CYB561: variants seen among roughly 807,000 people sequenced by gnomAD.
CYB561 encodes cytochrome b561.
CYB561 carries 11 observed loss-of-function variants against 25.3 expected under a neutral mutation model. That is an observed-to-expected ratio of 0.44 (90% CI 0.27 to 0.72). CYB561 has a LOEUF of 0.72. Ranked by LOEUF, CYB561 falls within the 30% of genes least tolerant of loss-of-function variation. The pLI, the probability that CYB561 is intolerant of heterozygous loss-of-function variation, is 0.18. For synonymous variants in CYB561, 165 were observed against 158.8 expected (o/e 1.04, Z -0.29); for missense variants, 295 against 334.9 (o/e 0.88, Z 0.93).
At position 63,435,736 on chromosome 17, in the gene CYB561, G is replaced by A; in HGVS notation, c.357C>T (p.Ser119=). ...HRKKGYADLY[S]LHSWCGILVF... is the part of the protein sequence containing the mutation. ...CAAGGATCCCGCACCAGCTGTGTAG[G>A]CTGTACAGGTCAGCGTAGCCCTTCT... The change falls in exon 4 of 6, where the codon AGC becomes AGT. Residue 119 remains serine (S), a synonymous_variant. Transcript: ENST00000360793. 6.2e-7 allele frequency: 1 copy of A among 1,614,214 alleles called. No individual in the cohort carries two copies. The highest frequency in any genetic ancestry group is 1.1e-5 in the South Asian group (1 of 91,088).
Position 63,436,145 on chromosome 17 carries a change from C to T in CYB561, c.210G>A (p.Leu70=). ...CTTCGTTCCTGAAGACACGGTAAAC[C>T]AGCAGGGCTGTGGGAGGTGAGAGAG... ...GLIFLQGNAL[L]VYRVFRNEAK... is the part of the protein sequence containing the mutation. The change falls in exon 3 of 6, where the codon CTG becomes CTA. Residue 70 remains leucine (L), a synonymous_variant. Coordinates refer to ENST00000360793, the MANE Select transcript of CYB561 (RefSeq NM_001915.4). This position sits in a 1 kb window ranked among gnomAD's most constrained non-coding sequence, Gnocchi z 4.8. The T allele has an allele frequency of 6.2e-7, 1 of 1,613,890 alleles. No homozygotes were observed. Among genetic ancestry groups the T allele is most frequent in the South Asian group, 1.1e-5 (1 of 91,050 alleles).
chr17:63,437,315 C>T (rs752232209), intron 2 of CYB561, 31 bp downstream of exon 2: 8 of 1,582,458 alleles, frequency 5.1e-6, no homozygotes, highest in African/African-American at 4.0e-5. Flanking sequence ...CCCACAAGCC[C>T]GGGAAAAGAG....
chr17:63,437,612 GCACAGCCCCCGCGGATGCA>G (rs2049319655), intron 1 of CYB561, 52 bp from the exon 2 acceptor site: 10 of 1,468,844 alleles, frequency 6.8e-6, no homozygotes, highest in South Asian at 1.2e-5. Flanking sequence ...CCCGAGATGC[GCACAGCCCCCGCGGATGCA>G]CACAGCCCCC....
At chr17:63,443,522 A>G (rs533861536) in intron 1 of CYB561, among the ~76,000 whole-genome samples, 2 of 152,252 alleles carry the variant, frequency 1.3e-5, no homozygotes, top group Non-Finnish European at 2.9e-5. Context: ...GAGGGCTCCC[A>G]ATGCTTACAA....
chr17:63,437,746 A>C, intron 1 of CYB561, 186 bp from the exon 2 acceptor site: 15 of 330,562 alleles, frequency 4.5e-5, no homozygotes, highest in East Asian at 1.3e-4. Flanking sequence ...CCCCCCCGAA[A>C]TGCGCACAGC....
At position 63,433,603 on chromosome 17, in the gene CYB561, C is replaced by G; in HGVS notation, c.*799G>C. 1 of 385,382 alleles carries G rather than the reference C, an allele frequency of 2.6e-6. No homozygotes were observed. The allele number at this position is 385,382 out of a possible 1,614,324, so 23.9% of individuals were successfully genotyped here. A position where few individuals can be genotyped will look rare whatever the true frequency, so the allele number is the denominator to read the frequency against. On this transcript the variant is annotated 3_prime_UTR_variant, in exon 6 of 6. Coordinates refer to ENST00000360793, the MANE Select transcript of CYB561 (RefSeq NM_001915.4). ...GTGAGCCTGGGAGAGGAAACCAGAG[C>G]TGAGCCGCAAGGGGGGTGCTACAAG...
At chr17:63,443,473 C>T (rs1462536054) in intron 1 of CYB561, among the ~76,000 whole-genome samples, 1 of 152,152 alleles carries the variant, frequency 6.6e-6, no homozygotes, top group Non-Finnish European at 1.5e-5. Context: ...AGCAGCAGAG[C>T]CTGAAGTCAA....
At position 63,435,323 on chromosome 17, in the gene CYB561, G is replaced by C. The variant is rs920607120; in HGVS notation, c.406-80C>G. 7.4e-6 allele frequency: 11 copies of C among 1,491,912 alleles called. No homozygotes were observed. The Middle Eastern group carries it at 1.8e-3, about 244-fold the overall frequency. 92.4% of individuals were successfully genotyped at this position (1,491,912 alleles called of 1,614,324 possible). On this transcript the variant is annotated intron_variant, in intron 4 of 5. Coordinates refer to ENST00000360793, the MANE Select transcript of CYB561 (RefSeq NM_001915.4). ...CGAGGTCGGCCAGGCCCACACCCAC[G>C]TGCCCACGTGGCGACTGTGAGCCCC...
At chr17:63,438,974 C>G (rs1382863029) in intron 1 of CYB561, 1 of 152,534 alleles carries the variant, frequency 6.6e-6, no homozygotes, top group Non-Finnish European at 1.5e-5. Context: ...CACAAGCAGA[C>G]CCCAGAGCAC....
At position 63,435,203 on chromosome 17, in the gene CYB561, G is replaced by A; in HGVS notation, c.446C>T (p.Ser149Leu). The stretch of plus-strand genomic sequence containing the variant: ...GCGGTAGCGGCTCCGCAGGGAGAAT[G>A]AAGCTCCGGGGAACAGGAAGAAGCT... The part of the protein sequence containing the change: ...GFSFFLFPGA[S>L]FSLRSRYRPQ... Residue 149 changes from serine (S) to leucine (L), a missense_variant, in exon 5 of 6, where the codon TCA (serine) becomes TTA (leucine). By Grantham distance (145) the Ser-to-Leu change is moderately radical. Coordinates refer to ENST00000360793, the MANE Select transcript of CYB561 (RefSeq NM_001915.4). 1.2e-6 allele frequency: 2 copies of A among 1,614,128 alleles called. No homozygotes were observed. The highest frequency in any genetic ancestry group is 2.2e-5 in the East Asian group (1 of 44,878).
Position 63,435,545 on chromosome 17 carries a change from G to A in CYB561, c.405+143C>T, listed in dbSNP as rs543789863. The A allele has an allele frequency of 4.6e-5, 36 of 786,186 alleles. 1 individual carries two copies. Among genetic ancestry groups the A allele is most frequent in the Admixed American group, 2.2e-5 (1 of 45,810 alleles). The allele number at this position is 786,186 out of a possible 1,614,324, so 48.7% of individuals were successfully genotyped here. The stretch of plus-strand genomic sequence containing the variant: ...GGCCGCCAATCCTAGCTTTGCACCC[G>A]CACAGGCCTGGGAAGGCAGCTCTCT... On this transcript the variant is annotated intron_variant, in intron 4 of 5. Transcript: ENST00000360793.
Position 63,433,240 on chromosome 17 carries a change from TGTTA to T in CYB561, c.*1158_*1161del, listed in dbSNP as rs1300816748. The T allele has an allele frequency of 2.5e-6, 1 of 395,788 alleles. No individual in the cohort carries two copies. Among genetic ancestry groups the T allele is most frequent in the Non-Finnish European group, 4.5e-6 (1 of 224,426 alleles). The allele number at this position is 395,788 out of a possible 1,614,324, so 24.5% of individuals were successfully genotyped here. ...AGTAGAGACGGGGTTTCACTGTGTTTGTTAGTCAGGATGGTCTTGATCTCCTGGC... is the reference window on the plus strand; with the variant it reads ...AGTAGAGACGGGGTTTCACTGTGTTTGTCAGGATGGTCTTGATCTCCTGGC... On this transcript the variant is annotated 3_prime_UTR_variant, in exon 6 of 6. Coordinates refer to ENST00000360793, the MANE Select transcript of CYB561 (RefSeq NM_001915.4).
At chr17:63,435,366 C>G (rs1050532241) in intron 4 of CYB561, 123 bp from the exon 5 acceptor site, 1 of 1,078,062 alleles carries the variant, frequency 9.3e-7, no homozygotes, top group Admixed American at 2.3e-5. Flanking sequence ...TGCCTGGTTT[C>G]CTTCCTCCTC....
intron 2 of CYB561, 64 bp downstream of exon 2, chr17:63,437,282 C>T (rs192422237): frequency 7.4e-7 from 1 of 1,352,424 alleles, no homozygotes; most frequent in East Asian, 2.3e-5. Flanking sequence ...GACAAGACCC[C>T]TGCAAACTGC....
intron 4 of CYB561, 57 bp downstream of exon 4, chr17:63,435,631 T>C (rs1222339881): frequency 3.6e-6 from 5 of 1,399,390 alleles, no homozygotes. Flanking sequence ...CCAGCTCCCC[T>C]CCTCCTCCCA....
intron 1 of CYB561, 58 bp from the exon 2 acceptor site, chr17:63,437,618 C>G (rs574342712): frequency 2.0e-5 from 28 of 1,432,578 alleles, no homozygotes; most frequent in Middle Eastern, 2.4e-4. Flanking sequence ...ATGCGCACAG[C>G]CCCCGCGGAT....
At chr17:63,441,154 C>T (rs2049371256) in intron 1 of CYB561, among the ~76,000 whole-genome samples, 2 of 152,342 alleles carry the variant, frequency 1.3e-5, no homozygotes, top group South Asian at 4.1e-4. Context: ...CTTCAACATC[C>T]TACAGTGAAA....
At chr17:63,437,909 C>G (rs555943684) in intron 1 of CYB561, 2 of 530,524 alleles carry the variant, frequency 3.8e-6, no homozygotes, top group South Asian at 4.2e-5. Context: ...ATGTCCCCCC[C>G]ACGGATGCGC....
rs537514923 is a variant in CYB561 at position 63,446,280 on chromosome 17, C to G, written c.-49G>C. ...CGAGCGTCCCTTCAGCCTCCCCGCG[C>G]CGCGCCCGGGTCGCTTGGCCGGTTC... is the stretch of plus-strand genomic sequence containing the variant. On this transcript the variant is annotated 5_prime_UTR_variant, in exon 1 of 6. Transcript: ENST00000360793. The G allele has an allele frequency of 7.9e-4, 120 of 152,048 alleles. No homozygotes were observed. Among genetic ancestry groups the G allele is most frequent in the African/African-American group, 2.8e-3 (118 of 41,526 alleles). The allele number at this position is 152,048 out of a possible 1,614,324, so 9.4% of individuals were successfully genotyped here. A position where few individuals can be genotyped will look rare whatever the true frequency, so the allele number is the denominator to read the frequency against.
Sources: allele counts gnomAD v4.1 joint callset (sites outside exome capture counted in the v4.1 genomes callset), GRCh38; gene constraint gnomAD v4.1.1; non-coding constraint Gnocchi (gnomAD v3.1); transcripts MANE v1.5; gene names NCBI Gene and HGNC (gene_info 2026-07-23, HGNC 2026-07-21).